Variants in LRP2 observed in about 807,000 individuals in gnomAD.
The protein encoded by LRP2 is low-density lipoprotein receptor-related protein 2.
A neutral mutation model predicts 531.0 loss-of-function variants in LRP2; 172 were observed. That is an observed-to-expected ratio of 0.32 (90% confidence interval 0.29 to 0.37). LRP2 has a LOEUF of 0.37. Ranked by LOEUF, LRP2 falls within the 10% of genes least tolerant of loss-of-function variation. The pLI, the probability that LRP2 is intolerant of heterozygous loss-of-function variation, is 1.00. For missense variants in LRP2, 5,167 were observed against 5,868.3 expected (o/e 0.88, Z 3.90); for synonymous variants, 1,992 against 2,027.6 (o/e 0.98, Z 0.47).
intron 1 of LRP2, 86 bp downstream of exon 1, chr2:169,362,234 CG>C (rs1468853514): frequency 3.4e-5 from 40 of 1,189,416 alleles, no homozygotes; most frequent in Non-Finnish European, 4.4e-5. Context: ...CCTGCCCGGA[CG>C]CTCTCCCCTC....
chr2:169,320,697 TTC>T (rs1207845856), intron 2 of LRP2, 78 bp downstream of exon 2: 4 of 1,203,050 alleles, frequency 3.3e-6, no homozygotes, highest in African/African-American at 1.5e-5. Context: ...GGCATAGCTC[TTC>T]TCTTTGTTAC....
Position 169,307,355 on chromosome 2 carries a change from C to T in LRP2, c.353G>A (p.Gly118Asp). 6.2e-7 allele frequency: 1 copy of T among 1,613,908 alleles called. No homozygotes were observed. Among genetic ancestry groups the T allele is most frequent in the Non-Finnish European group, 8.5e-7 (1 of 1,179,798 alleles). ...CSSHQITCSN[G>D]QCIPSEYRCD... is the part of the protein sequence containing the mutation. ...CCTGTATTCACTTGGGATACACTGA[C>T]CATTGGAGCATGTTATCTGATGACT... Residue 118 changes from glycine to aspartate, a missense_variant, in exon 4 of 79, where the codon GGT (glycine) becomes GAT (aspartate). Transcript: ENST00000649046.
chr2:169,172,094 T>C lies in LRP2; in HGVS notation c.11184A>G (p.Lys3728=). 1 of 1,614,202 alleles carries C rather than the reference T, an allele frequency of 6.2e-7. No homozygotes were observed. The highest frequency in any genetic ancestry group is 8.5e-7 in the Non-Finnish European group (1 of 1,180,016). The change falls in exon 58 of 79, where the codon AAA becomes AAG. Residue 3728 remains lysine (K), a synonymous_variant. Coordinates refer to ENST00000649046, the MANE Select transcript of LRP2 (RefSeq NM_004525.3). ...TCHPVGDFRC[K]NHHCIPLRWQ... The stretch of plus-strand genomic sequence containing the variant: ...AACGAAGAGGGATGCAGTGGTGATT[T>C]TTACAGCGGAAATCCCCCACAGGAT...
chr2:169,348,167 C>T (rs1267709589), intron 1 of LRP2, among the ~76,000 whole-genome samples: 1 of 152,176 alleles, frequency 6.6e-6, no homozygotes, highest in Non-Finnish European at 1.5e-5. Flanking sequence ...AACACTTAGG[C>T]CAATGCCTGG....
intron 44 of LRP2, 122 bp downstream of exon 44, chr2:169,201,506 C>T (rs1053525945): frequency 1.7e-5 from 23 of 1,362,500 alleles, no homozygotes; most frequent in South Asian, 9.3e-5. Flanking sequence ...CAAAAATTTA[C>T]GTTTTAGATA....
intron 9 of LRP2, among the ~76,000 whole-genome samples, chr2:169,287,344 G>A (rs948670650): frequency 6.6e-6 from 1 of 152,092 alleles, no homozygotes; most frequent in African/African-American, 2.4e-5. Flanking sequence ...TGATCTTAAA[G>A]TACCTTGTTG....
At chr2:169,139,213 A>G (rs1233137184) in intron 74 of LRP2, 38 bp downstream of exon 74, 2 of 1,614,046 alleles carry the variant, frequency 1.2e-6, no homozygotes, top group East Asian at 2.2e-5. Context: ...TGAATTTCTT[A>G]GGCTTCAAAC....
chr2:169,163,728 A>G (rs1337290983), intron 62 of LRP2, among the ~76,000 whole-genome samples: 1 of 152,190 alleles, frequency 6.6e-6, no homozygotes, highest in African/African-American at 2.4e-5. Context: ...AAAAAAAACA[A>G]AAAACAACTC....
chr2:169,242,050 A>G (rs2105385022), intron 24 of LRP2, among the ~76,000 whole-genome samples: 1 of 152,370 alleles, frequency 6.6e-6, no homozygotes, highest in East Asian at 1.9e-4. Context: ...TTAATGTGAA[A>G]CAGGAAAATT....
At chr2:169,177,154 C>G (rs552678512) in intron 53 of LRP2, among the ~76,000 whole-genome samples, 1 of 152,140 alleles carries the variant, frequency 6.6e-6, no homozygotes, top group East Asian at 1.9e-4. Context: ...TCCTTAATTC[C>G]AAGTTTATCA....
chr2:169,206,484 G>A lies in LRP2; in HGVS notation c.7236C>T (p.Phe2412=). The change falls in exon 39 of 79, where the codon TTC becomes TTT. Residue 2412 remains phenylalanine, a synonymous_variant. Transcript: ENST00000649046. ...CAGTTCTTTCCACATTTATTGTTTGGAAAGGTGGGCTATGGTTTTCAGGGT... is the reference window on the plus strand; with the variant it reads ...CAGTTCTTTCCACATTTATTGTTTGAAAAGGTGGGCTATGGTTTTCAGGGT... The part of the protein sequence containing the change: ...HLDPENHSPP[F]QTINVERTVM... The A allele has an allele frequency of 6.2e-7, 1 of 1,614,158 alleles. No homozygotes were observed. The highest frequency in any genetic ancestry group is 8.5e-7 in the Non-Finnish European group (1 of 1,180,032).
chr2:169,146,741 T>C lies in LRP2; in HGVS notation c.12809A>G (p.Glu4270Gly). The change falls in exon 69 of 79, where the codon GAA becomes GGA. Residue 4270 changes from glutamate (E) to glycine (G), a missense_variant and splice_region_variant. By Grantham distance (98) the Glu-to-Gly change is moderately conservative. This residue lies in a region of LRP2 where 564 missense variants were observed against 747.7 expected (regional missense o/e 0.75). Coordinates refer to ENST00000649046, the MANE Select transcript of LRP2 (RefSeq NM_004525.3). ...TTACTTTCTAACTAATTTCTAACCT[T>C]CCTTTGCAATGACTCTCCTATCAGT... is the stretch of plus-strand genomic sequence containing the variant. ...DGTDRRVIAK[E>G]AMNPYSLDIF... 2 of 1,608,870 alleles carry C rather than the reference T, an allele frequency of 1.2e-6. No individual in the cohort carries two copies. The highest frequency in any genetic ancestry group is 1.1e-5 in the South Asian group (1 of 90,972).
intron 65 of LRP2, among the ~76,000 whole-genome samples, 179 bp downstream of exon 65, chr2:169,156,095 G>A (rs1358127856): frequency 6.6e-6 from 1 of 151,972 alleles, no homozygotes; most frequent in Non-Finnish European, 1.5e-5. Context: ...TTTTAAGCTG[G>A]CAGGGGAGGA....
chr2:169,143,883 A>C (rs1685816275), intron 70 of LRP2, among the ~76,000 whole-genome samples: 1 of 152,194 alleles, frequency 6.6e-6, no homozygotes, highest in African/African-American at 2.4e-5. Context: ...CTGTCATTCA[A>C]GATGTAACCA....
intron 1 of LRP2, among the ~76,000 whole-genome samples, chr2:169,344,836 C>T (rs1685656169): frequency 1.3e-5 from 2 of 152,128 alleles, no homozygotes; most frequent in African/African-American, 4.8e-5. Flanking sequence ...TGTCCTTAAG[C>T]CTGACTTTTC....
intron 9 of LRP2, among the ~76,000 whole-genome samples, chr2:169,286,307 G>A (rs1385633325): frequency 6.6e-6 from 1 of 152,184 alleles, no homozygotes; most frequent in Non-Finnish European, 1.5e-5. Context: ...GAGGTTGTCT[G>A]TACTAAAGTC....
At chr2:169,233,354 C>G in intron 30 of LRP2, 57 bp downstream of exon 30, 1 of 1,590,454 alleles carries the variant, frequency 6.3e-7, no homozygotes, top group Non-Finnish European at 8.6e-7. Flanking sequence ...TTTAGCATTC[C>G]CAGGGTCAGT....
chr2:169,176,165 T>C (rs543522522), intron 54 of LRP2, among the ~76,000 whole-genome samples: 2 of 152,348 alleles, frequency 1.3e-5, no homozygotes, highest in Admixed American at 6.5e-5. Flanking sequence ...ATGAGAAATA[T>C]ATGGTTTGCT....
intron 1 of LRP2, among the ~76,000 whole-genome samples, chr2:169,322,759 G>C (rs756798383): frequency 6.6e-6 from 1 of 152,068 alleles, no homozygotes; most frequent in Admixed American, 6.6e-5. Flanking sequence ...AGGTTGTAAA[G>C]GTAGTATCTT....
Sources: allele counts gnomAD v4.1 joint callset (sites outside exome capture counted in the v4.1 genomes callset), GRCh38; gene constraint gnomAD v4.1.1; regional missense constraint gnomAD v4.1.1; transcripts MANE v1.5; gene names NCBI Gene and HGNC (gene_info 2026-07-23, HGNC 2026-07-21).